Variants in PVALB observed in about 807,000 individuals in gnomAD.
PVALB encodes parvalbumin.
In PVALB, 11 loss-of-function variants were observed where a neutral mutation model predicts 10.9. The ratio of observed to expected loss-of-function variants is 1.01; its 90% CI spans 0.63 to 1.67. The LOEUF is 1.67. PVALB is among the 40% of genes most tolerant of loss of function. The pLI, the probability that PVALB is intolerant of heterozygous loss-of-function variation, is 0.00. For synonymous variants in PVALB, 57 were observed against 50.7 expected, an observed-to-expected ratio of 1.12 and a Z score of -0.53; for missense variants, 131 against 136.2, an observed-to-expected ratio of 0.96 and a Z score of 0.19.
At chr22:36,810,183 T>C (rs1939024621) in intron 3 of PVALB, among the ~76,000 whole-genome samples, 1 of 152,162 alleles carries the variant, frequency 6.6e-6, no homozygotes, top group Non-Finnish European at 1.5e-5. Context: ...GCGCCCGGCA[T>C]GCCCCATGGT....
rs531480675 is a variant in PVALB at position 36,806,557 on chromosome 22, C to T, written c.305-5639G>A. On this transcript the variant is annotated intron_variant, in intron 3 of 3. Coordinates refer to ENST00000417718, the MANE Select transcript of PVALB (RefSeq NM_001315532.2). ...CTTTCCCTCCCTCTGTCGTGATGAC[C>T]GGGATGAAGGAGCCGGCCTCCTGGT... 5.9e-5 allele frequency among the ~76,000 whole-genome samples: 9 copies of T among 152,222 alleles called. No homozygotes were observed. The South Asian group carries it at 1.5e-3, about 25-fold the overall frequency.
Position 36,800,757 on chromosome 22 carries a change from T to C in PVALB, c.*133A>G. ...GCATTTTCCAGAAGAATGGTGTCAT[T>C]AGAGGGCCACAGGGGATGGGGGAGT... On this transcript the variant is annotated 3_prime_UTR_variant, in exon 4 of 4. Coordinates refer to ENST00000417718, the MANE Select transcript of PVALB (RefSeq NM_001315532.2). 1.0e-6 allele frequency: 1 copy of C among 974,710 alleles called. No individual in the cohort carries two copies. Among genetic ancestry groups the C allele is most frequent in the South Asian group, 1.3e-5 (1 of 74,826 alleles). The allele number at this position is 974,710 out of a possible 1,614,324, so 60.4% of individuals were successfully genotyped here. A position where few individuals can be genotyped will look rare whatever the true frequency, so the allele number is the denominator to read the frequency against.
At position 36,800,825 on chromosome 22, in the gene PVALB, G is replaced by A. The variant is rs532873724; in HGVS notation, c.*65C>T. On this transcript the variant is annotated 3_prime_UTR_variant, in exon 4 of 4. Coordinates refer to ENST00000417718, the MANE Select transcript of PVALB (RefSeq NM_001315532.2). ...AACTGAACAGAAATGCAGGAGGGTG[G>A]CGAGAGGGGCCGAGATTGGGTGTTC... The A allele has an allele frequency of 1.9e-5, 29 of 1,514,398 alleles. 1 individual carries two copies. Among genetic ancestry groups the A allele is most frequent in the African/African-American group, 8.2e-5 (6 of 72,740 alleles). 93.8% of individuals were successfully genotyped at this position (1,514,398 alleles called of 1,614,324 possible).
At chr22:36,808,709 G>A (rs530418632) in intron 3 of PVALB, among the ~76,000 whole-genome samples, 2 of 152,328 alleles carry the variant, frequency 1.3e-5, no homozygotes, top group South Asian at 2.1e-4. Context: ...GCTGACACCC[G>A]CTCCCAGCTG....
In PVALB at chr22:36,815,027, T is replaced by C. The variant is rs1341819219; in HGVS notation, c.194+76A>G. On this transcript the variant is annotated intron_variant, in intron 2 of 3. Transcript: ENST00000417718. The stretch of plus-strand genomic sequence containing the variant: ...AGTGAAAGGCAGGTCTGATGGACAC[T>C]TGGAAGCTAGAGTCCCAGCCCCCAC... 3.2e-6 allele frequency: 5 copies of C among 1,568,998 alleles called. No individual in the cohort carries two copies. In the East Asian group the frequency reaches 9.0e-5, roughly 28 times the overall value.
In PVALB at chr22:36,816,929, G is replaced by T. The variant is rs1167049402; in HGVS notation, c.61+16C>A. 2 of 1,596,412 alleles carry T rather than the reference G, an allele frequency of 1.3e-6. No individual in the cohort carries two copies. Among genetic ancestry groups the T allele is most frequent in the Non-Finnish European group, 1.7e-6 (2 of 1,174,176 alleles). On this transcript the variant is annotated intron_variant, in intron 1 of 3. Coordinates refer to ENST00000417718, the MANE Select transcript of PVALB (RefSeq NM_001315532.2). Reference sequence around the variant, plus strand: ...GACGAGGGGAGAGGGATGGGGAGGGGAGCGCGCTTGCTCACCGCTAAAGGC... The same window carrying T: ...GACGAGGGGAGAGGGATGGGGAGGGTAGCGCGCTTGCTCACCGCTAAAGGC...
rs1273951891 is a variant in PVALB, at chr22:36,813,727, C to T, written c.223G>A (p.Ala75Thr). Residue 75 changes from alanine (A) to threonine (T), a missense_variant, in exon 3 of 4, where the codon GCC (alanine) becomes ACC (threonine). Transcript: ENST00000417718. ...GFILKGFSPD[A>T]RDLSAKETKM... Reference sequence around the variant, plus strand: ...GTTTCTTTAGCAGACAGGTCTCTGGCATCTGGGGAGAAGCCTTTTAGGATG... The same window carrying T: ...GTTTCTTTAGCAGACAGGTCTCTGGTATCTGGGGAGAAGCCTTTTAGGATG... 3.7e-6 allele frequency: 6 copies of T among 1,613,946 alleles called. No individual in the cohort carries two copies. The highest frequency in any genetic ancestry group is 5.1e-6 in the Non-Finnish European group (6 of 1,179,874).
chr22:36,817,180 C>T, upstream of PVALB: 3 of 498,394 alleles, frequency 6.0e-6, no homozygotes, highest in South Asian at 5.2e-5. Context: ...TCAGTCCAGC[C>T]GCGCCGCTGA....
chr22:36,803,258 C>T (rs1353294355), intron 3 of PVALB, among the ~76,000 whole-genome samples: 3 of 152,164 alleles, frequency 2.0e-5, no homozygotes, highest in African/African-American at 7.2e-5. Context: ...CTACTTTGAC[C>T]TTGGTATAGA....
At chr22:36,813,553 A>C (rs1939079676) in intron 3 of PVALB, 93 bp downstream of exon 3, 1 of 1,041,424 alleles carries the variant, frequency 9.6e-7, no homozygotes, top group Non-Finnish European at 1.5e-6. Flanking sequence ...CCCCCATATC[A>C]TCCCTTCCTT....
At chr22:36,802,059 G>A (rs1461065791) in intron 3 of PVALB, among the ~76,000 whole-genome samples, 1 of 152,150 alleles carries the variant, frequency 6.6e-6, no homozygotes, top group Non-Finnish European at 1.5e-5. Flanking sequence ...AGACTCATTT[G>A]AGGTGAGCTG....
In PVALB at chr22:36,800,859, G is replaced by C. The variant is rs527372236; in HGVS notation, c.*31C>G. 7 of 1,590,806 alleles carry C rather than the reference G, an allele frequency of 4.4e-6. No individual in the cohort carries two copies. The African/African-American group carries it at 9.4e-5, about 21-fold the overall frequency. Reference sequence around the variant, plus strand: ...GCCGAGATTGGGTGTTCAGGGCAGAGAGGTGGAAGACCAGGGGCAGTCAGT... The same window carrying C: ...GCCGAGATTGGGTGTTCAGGGCAGACAGGTGGAAGACCAGGGGCAGTCAGT... On this transcript the variant is annotated 3_prime_UTR_variant, in exon 4 of 4. Coordinates refer to ENST00000417718, the MANE Select transcript of PVALB (RefSeq NM_001315532.2).
chr22:36,808,019 G>C (rs1275979582), intron 3 of PVALB, among the ~76,000 whole-genome samples: 1 of 152,212 alleles, frequency 6.6e-6, no homozygotes, highest in Non-Finnish European at 1.5e-5. Flanking sequence ...ACTTAAAGCA[G>C]AGGGCAGTGG....
chr22:36,812,662 A>G (rs1301418299), intron 3 of PVALB, among the ~76,000 whole-genome samples: 1 of 150,980 alleles, frequency 6.6e-6, no homozygotes, highest in Non-Finnish European at 1.5e-5. Flanking sequence ...CTGGGATTTG[A>G]ACCCAGATAG....
In PVALB at chr22:36,813,759, G is replaced by T; in HGVS notation, c.195-4C>A. On this transcript the variant is annotated splice_polypyrimidine_tract_variant and splice_region_variant and intron_variant, in intron 2 of 3. Transcript: ENST00000417718. ...GGAGAAGCCTTTTAGGATGAATCTG[G>T]AGGAGAAAAGGGAGAAAGCCGGTGA... 1.9e-6 allele frequency: 3 copies of T among 1,605,942 alleles called. No individual in the cohort carries two copies. The highest frequency in any genetic ancestry group is 2.6e-6 in the Non-Finnish European group (3 of 1,172,574).
intron 3 of PVALB, among the ~76,000 whole-genome samples, chr22:36,807,166 C>T (rs1227891083): frequency 1.3e-5 from 2 of 152,224 alleles, no homozygotes; most frequent in African/African-American, 4.8e-5. Flanking sequence ...CGTCTCAGCT[C>T]AGCTTAGGGG....
intron 3 of PVALB, among the ~76,000 whole-genome samples, chr22:36,807,794 G>A (rs920730391): frequency 1.3e-5 from 2 of 152,080 alleles, no homozygotes; most frequent in Admixed American, 6.5e-5. Flanking sequence ...AAGGCCTTAC[G>A]CTACCACTCC....
intron 3 of PVALB, among the ~76,000 whole-genome samples, chr22:36,807,902 G>T (rs1200942325): frequency 1.3e-5 from 2 of 152,222 alleles, no homozygotes; most frequent in Non-Finnish European, 2.9e-5. Flanking sequence ...TCAGGCATGC[G>T]AGTGAGTGGC....
rs200105345 is a variant in PVALB, at chr22:36,815,073, G to C, written c.194+30C>G. On this transcript the variant is annotated intron_variant, in intron 2 of 3. Coordinates refer to ENST00000417718, the MANE Select transcript of PVALB (RefSeq NM_001315532.2). ...CCCACTCCCTCTCGTGCAGCCGTGGGCTGGGCAGCCCCTGCAGGCCTCCGC... is the reference window on the plus strand; with the variant it reads ...CCCACTCCCTCTCGTGCAGCCGTGGCCTGGGCAGCCCCTGCAGGCCTCCGC... 41 of 1,613,070 alleles carry C rather than the reference G, an allele frequency of 2.5e-5. No homozygotes were observed. In the African/African-American group the frequency reaches 4.8e-4, roughly 19 times the overall value.
Sources: gnomAD v4.1 joint callset for allele counts (sites outside exome capture counted in the v4.1 genomes callset) on GRCh38, gnomAD v4.1.1 for gene constraint, MANE v1.5 for transcripts, NCBI Gene and HGNC (gene_info 2026-07-23, HGNC 2026-07-21) for gene names.